EIF2AK4: variants seen among roughly 807,000 people sequenced by gnomAD.
EIF2AK4 encodes eIF-2-alpha kinase GCN2.
In EIF2AK4, 139 loss-of-function variants were observed where a neutral mutation model predicts 211.1. That is an observed-to-expected ratio of 0.66 (90% confidence interval 0.57 to 0.76). EIF2AK4 has a LOEUF of 0.76. Among genes scored for constraint, EIF2AK4 ranks in the 30% least tolerant of loss-of-function variants. The probability of loss-of-function intolerance (pLI) is 0.00; values close to 1 mark genes in which losing one functional copy is unlikely to be tolerated. For synonymous variants in EIF2AK4, 710 were observed against 751.3 expected (o/e 0.94, Z 0.90); for missense variants, 1,664 against 2,043.8 (o/e 0.81, Z 3.58).
intron 32 of EIF2AK4, among the ~76,000 whole-genome samples, chr15:40,024,539 A>G (rs1247652267): frequency 3.4e-5 from 5 of 147,540 alleles, no homozygotes; most frequent in Non-Finnish European, 7.4e-5. Context: ...AGCTGGGTTT[A>G]TAGGCACACA....
At chr15:40,030,130 C>A (rs1000156286) in intron 34 of EIF2AK4, among the ~76,000 whole-genome samples, 1 of 152,152 alleles carries the variant, frequency 6.6e-6, no homozygotes, top group Admixed American at 6.5e-5. Context: ...CCACCACCCC[C>A]CAACCCCTGC....
intron 34 of EIF2AK4, among the ~76,000 whole-genome samples, chr15:40,029,846 G>A (rs1259877920): frequency 6.6e-6 from 1 of 152,158 alleles, no homozygotes; most frequent in Non-Finnish European, 1.5e-5. Flanking sequence ...AAGCCAAGAG[G>A]GCACAGTGGT....
At chr15:40,007,919 C>A in intron 24 of EIF2AK4, 108 bp from the exon 25 acceptor site, 1 of 860,472 alleles carries the variant, frequency 1.2e-6, no homozygotes, top group Non-Finnish European at 1.7e-6. Context: ...GATCATACCA[C>A]CGATTAATTT....
intron 9 of EIF2AK4, among the ~76,000 whole-genome samples, chr15:39,972,529 C>T (rs2034639518): frequency 1.3e-5 from 2 of 152,094 alleles, no homozygotes; most frequent in South Asian, 2.1e-4. Context: ...CTTTGTCTTT[C>T]GAAAGCTTTA....
At chr15:40,014,460 C>G (rs759052474) in intron 27 of EIF2AK4, among the ~76,000 whole-genome samples, 15 of 152,266 alleles carry the variant, frequency 9.9e-5, no homozygotes, top group Non-Finnish European at 1.9e-4. Context: ...GCTGCCAAAG[C>G]TTGGGGCTTG....
intron 3 of EIF2AK4, among the ~76,000 whole-genome samples, chr15:39,944,488 A>C (rs145815480): frequency 6.9e-6 from 1 of 144,276 alleles, no homozygotes; most frequent in African/African-American, 2.7e-5. Flanking sequence ...CTAGAGTGCA[A>C]TGGCGCAATC....
chr15:39,976,740 C>T lies in EIF2AK4; in HGVS notation c.2145C>T (p.Gly715=). The change falls in exon 12 of 39, where the codon GGC becomes GGT. Residue 715 remains glycine (G), a synonymous_variant. Coordinates refer to ENST00000263791, the MANE Select transcript of EIF2AK4 (RefSeq NM_001013703.4). Reference sequence around the variant, plus strand: ...GCTCGGTGGAGTGGAGCACTTCGGGCGAGCGCTCGGCCAGTGCCCGTTTCC... The same window carrying T: ...GCTCGGTGGAGTGGAGCACTTCGGGTGAGCGCTCGGCCAGTGCCCGTTTCC... ...LSSSVEWSTS[G]ERSASARFPA... 2 of 1,600,986 alleles carry T rather than the reference C, an allele frequency of 1.2e-6. No homozygotes were observed. The highest frequency in any genetic ancestry group is 1.7e-6 in the Non-Finnish European group (2 of 1,176,624).
At chr15:39,993,030 G>GTCCATCCATCCA (rs1199022740) in intron 18 of EIF2AK4, among the ~76,000 whole-genome samples, 182 bp downstream of exon 18, 80 of 146,682 alleles carry the variant, frequency 5.5e-4, no homozygotes, top group African/African-American at 1.9e-3. Context: ...GGAGCTTACA[G>GTCCATCCATCCA]TCCATCCATC....
chr15:39,952,814 T>C (rs2034338200), intron 4 of EIF2AK4, among the ~76,000 whole-genome samples: 1 of 152,146 alleles, frequency 6.6e-6, no homozygotes, highest in African/African-American at 2.4e-5. Flanking sequence ...GCCTAGTTAT[T>C]GTTGGGAGTT....
intron 4 of EIF2AK4, among the ~76,000 whole-genome samples, chr15:39,953,598 C>T (rs906612851): frequency 2.0e-5 from 3 of 152,252 alleles, no homozygotes; most frequent in Non-Finnish European, 2.9e-5. Flanking sequence ...AGACAAGTGT[C>T]GGAAGAAGTG....
intron 3 of EIF2AK4, among the ~76,000 whole-genome samples, chr15:39,944,397 A>T (rs1179063139): frequency 6.8e-6 from 1 of 146,170 alleles, no homozygotes; most frequent in South Asian, 2.2e-4. Flanking sequence ...AAAATCACTC[A>T]GTGTTTTTGC....
intron 11 of EIF2AK4, 113 bp downstream of exon 11, chr15:39,973,862 CTGT>C (rs2034657960): frequency 8.5e-7 from 1 of 1,177,244 alleles, no homozygotes; most frequent in African/African-American, 1.5e-5. Flanking sequence ...GTGAATATGG[CTGT>C]TGGATACTAT....
At chr15:39,977,077 G>A (rs2140919100) in intron 12 of EIF2AK4, 1 of 424,014 alleles carries the variant, frequency 2.4e-6, no homozygotes, top group Non-Finnish European at 4.1e-6. Context: ...TCCCCACCAA[G>A]TCCAAGCCAG....
In EIF2AK4 at chr15:40,019,208, C is replaced by G; in HGVS notation, c.4173+8C>G. ...CTCAACATGGAGGAATCTGTAAGTT[C>G]TGGCTTGGCTTCCCAGCATACTTCG... On this transcript the variant is annotated splice_region_variant and intron_variant, in intron 30 of 38. Transcript: ENST00000263791. 1 of 1,556,740 alleles carries G rather than the reference C, an allele frequency of 6.4e-7. No homozygotes were observed. Among genetic ancestry groups the G allele is most frequent in the Non-Finnish European group, 8.7e-7 (1 of 1,151,706 alleles).
intron 13 of EIF2AK4, among the ~76,000 whole-genome samples, chr15:39,980,715 G>A (rs1280105961): frequency 6.6e-6 from 1 of 152,086 alleles, no homozygotes; most frequent in Admixed American, 6.6e-5. Context: ...AAGAGGCAGG[G>A]TCTCCATCTG....
chr15:39,993,724 A>T (rs186797190), intron 18 of EIF2AK4, among the ~76,000 whole-genome samples: 2 of 152,362 alleles, frequency 1.3e-5, no homozygotes, highest in East Asian at 3.9e-4. Flanking sequence ...GGCCTGGATA[A>T]GGAGTGTGCA....
intron 30 of EIF2AK4, chr15:40,020,690 GA>G (rs894456866): frequency 9.4e-5 from 26 of 275,420 alleles, no homozygotes; most frequent in East Asian, 2.5e-4. Context: ...CTCTGTCTCA[GA>G]AAAAAAAAGA....
chr15:39,976,051 C>T (rs1181278801), intron 11 of EIF2AK4, among the ~76,000 whole-genome samples: 1 of 152,124 alleles, frequency 6.6e-6, no homozygotes, highest in East Asian at 1.9e-4. Flanking sequence ...TCATCTGAAA[C>T]TTTACACTGA....
At chr15:39,940,246 CTAGT>C (rs2034126492) in intron 2 of EIF2AK4, among the ~76,000 whole-genome samples, 1 of 152,202 alleles carries the variant, frequency 6.6e-6, no homozygotes, top group South Asian at 2.1e-4. Flanking sequence ...TTGAGAAAAA[CTAGT>C]TAGAGCCAAA....
Sources: gnomAD v4.1 joint callset for allele counts (sites outside exome capture counted in the v4.1 genomes callset) on GRCh38, gnomAD v4.1.1 for gene constraint, MANE v1.5 for transcripts, NCBI Gene and HGNC (gene_info 2026-07-23, HGNC 2026-07-21) for gene names.